Variants in SLAMF1 observed in about 807,000 individuals in gnomAD.
The protein encoded by SLAMF1 is signaling lymphocytic activation molecule.
In SLAMF1, 18 loss-of-function variants were observed where a neutral mutation model predicts 35.1. The ratio of observed to expected loss-of-function variants is 0.51; its 90% CI spans 0.35 to 0.76. The LOEUF (loss-of-function observed/expected upper bound fraction) is 0.76, where lower values mean the gene tolerates loss of function less well. SLAMF1 is among the 30% of genes least tolerant of loss of function. The probability of loss-of-function intolerance (pLI) is 0.01; values close to 1 mark genes in which losing one functional copy is unlikely to be tolerated. For synonymous variants in SLAMF1, 168 were observed against 157.2 expected, an observed-to-expected ratio of 1.07 and a Z score of -0.51; for missense variants, 392 against 413.0, an observed-to-expected ratio of 0.95 and a Z score of 0.44.
In SLAMF1 at chr1:160,640,240, G is replaced by A. The variant is rs538308177; in HGVS notation, c.77-2711C>T. Among the ~76,000 whole-genome samples the A allele has an allele frequency of 1.1e-3, 166 of 148,702 alleles. 2 individuals are homozygous for A. The highest frequency in any genetic ancestry group is 7.2e-3 in the Middle Eastern group (2 of 276). ...GTGCTATGTGCTTAGTATATAGGAG[G>A]CATTTAATAAATATCTGTTCAATGA... is the stretch of plus-strand genomic sequence containing the variant. On this transcript the variant is annotated intron_variant, in intron 1 of 6. Transcript: ENST00000302035.
chr1:160,643,738 G>T (rs772280520), intron 1 of SLAMF1, among the ~76,000 whole-genome samples: 14 of 152,202 alleles, frequency 9.2e-5, no homozygotes, highest in South Asian at 2.1e-4. Flanking sequence ...ATCACCTTGA[G>T]TATTTCTCTT....
chr1:160,645,136 C>A (rs909209375), intron 1 of SLAMF1, among the ~76,000 whole-genome samples: 8 of 152,286 alleles, frequency 5.3e-5, no homozygotes, highest in Non-Finnish European at 7.4e-5. Context: ...GGGGAAGGGA[C>A]ATGTGGACTT....
Position 160,634,612 on chromosome 1 carries a change from C to A in SLAMF1, c.700+1G>T. The A allele has an allele frequency of 6.3e-7, 1 of 1,597,418 alleles. No individual in the cohort carries two copies. The highest frequency in any genetic ancestry group is 8.5e-7 in the Non-Finnish European group (1 of 1,170,458). On this transcript the variant is annotated splice_donor_variant, in intron 3 of 6. Transcript: ENST00000302035. LOFTEE classifies it high-confidence loss of function. ...ACACAGGCTGCCACCAGTGTACTCA[C>A]CTGAGGGGTCTGTCCTGCATCCGGG...
intron 1 of SLAMF1, among the ~76,000 whole-genome samples, chr1:160,638,481 T>A (rs895482281): frequency 2.0e-5 from 3 of 152,208 alleles, no homozygotes; most frequent in Non-Finnish European, 4.4e-5. Flanking sequence ...GGTTTTTTTT[T>A]ACTAGGTTAT....
intron 1 of SLAMF1, among the ~76,000 whole-genome samples, chr1:160,640,013 T>C (rs1660655825): frequency 6.6e-6 from 1 of 152,212 alleles, no homozygotes; most frequent in Non-Finnish European, 1.5e-5. Flanking sequence ...TTTAGGTATC[T>C]GCTCAAAACA....
chr1:160,640,821 A>G (rs1480077128), intron 1 of SLAMF1, among the ~76,000 whole-genome samples: 1 of 152,198 alleles, frequency 6.6e-6, no homozygotes, highest in Non-Finnish European at 1.5e-5. Flanking sequence ...TTGTCTTTTA[A>G]AATATTGCGA....
intron 4 of SLAMF1, among the ~76,000 whole-genome samples, chr1:160,622,117 G>A (rs897779012): frequency 6.6e-6 from 1 of 152,170 alleles, no homozygotes; most frequent in African/African-American, 2.4e-5. Flanking sequence ...TCAGACAGAT[G>A]GAAGAGGTGA....
rs564990980 is a variant in SLAMF1, at chr1:160,631,460, T to C, written c.700+3153A>G. Among the ~76,000 whole-genome samples, 30 of 152,318 alleles carry C rather than the reference T, an allele frequency of 2.0e-4. 3 individuals are homozygous for C. The South Asian group carries it at 6.2e-3, about 32-fold the overall frequency. On this transcript the variant is annotated intron_variant, in intron 3 of 6. Coordinates refer to ENST00000302035, the MANE Select transcript of SLAMF1 (RefSeq NM_003037.5). The stretch of plus-strand genomic sequence containing the variant: ...TAAAACTGAGGTCATTAGGGAGATG[T>C]TTTGGGCTGAATTTTGTCTCCCCTC...
At chr1:160,613,882 G>C (rs1659143196) in intron 5 of SLAMF1, among the ~76,000 whole-genome samples, 1 of 152,264 alleles carries the variant, frequency 6.6e-6, no homozygotes, top group African/African-American at 2.4e-5. Flanking sequence ...TCAAATGTGG[G>C]ATGAATTGCC....
intron 4 of SLAMF1, among the ~76,000 whole-genome samples, chr1:160,621,343 G>A (rs368180324): frequency 2.0e-5 from 3 of 152,014 alleles, no homozygotes; most frequent in Non-Finnish European, 4.4e-5. Flanking sequence ...GGCAGATCAC[G>A]AGGTCAGGAG....
intron 1 of SLAMF1, among the ~76,000 whole-genome samples, chr1:160,645,873 C>T (rs962341513): frequency 3.3e-5 from 5 of 152,084 alleles, no homozygotes; most frequent in Admixed American, 6.5e-5. Flanking sequence ...CTGGAAAAGT[C>T]CATATTGGAT....
intron 1 of SLAMF1, among the ~76,000 whole-genome samples, chr1:160,646,487 C>G (rs534711491): frequency 7.2e-4 from 109 of 152,318 alleles, no homozygotes; most frequent in Non-Finnish European, 1.3e-3. Flanking sequence ...CAAATCTTCT[C>G]CCAGAGCTCA....
At chr1:160,632,253 A>C (rs1472767773) in intron 3 of SLAMF1, among the ~76,000 whole-genome samples, 1 of 151,932 alleles carries the variant, frequency 6.6e-6, no homozygotes, top group Non-Finnish European at 1.5e-5. Flanking sequence ...AGGACTGTCT[A>C]CTCTGGGAGG....
chr1:160,633,820 G>C (rs552739439), intron 3 of SLAMF1, among the ~76,000 whole-genome samples: 1 of 152,144 alleles, frequency 6.6e-6, no homozygotes. Context: ...TAGGTTTAGG[G>C]GTTAACTCCA....
At chr1:160,640,382 A>G (rs1157973608) in intron 1 of SLAMF1, among the ~76,000 whole-genome samples, 1 of 147,462 alleles carries the variant, frequency 6.8e-6, no homozygotes, top group East Asian at 2.0e-4. Flanking sequence ...ACACATATAT[A>G]TATATACACA....
In SLAMF1 at chr1:160,612,489, T is replaced by C; in HGVS notation, c.956A>G (p.Gln319Arg). 1 of 1,602,912 alleles carries C rather than the reference T, an allele frequency of 6.2e-7. No homozygotes were observed. Among genetic ancestry groups the C allele is most frequent in the Non-Finnish European group, 8.5e-7 (1 of 1,170,598 alleles). Reference sequence around the variant, plus strand: ...AGAGTAGGCAGAGAGATGCCTCACCTGGACAGACTCTGGGACAGGCTCTGT... The same window carrying C: ...AGAGTAGGCAGAGAGATGCCTCACCCGGACAGACTCTGGGACAGGCTCTGT... ...AATEPVPESV[Q>R]ETNSITVYAS... is the part of the protein sequence containing the mutation. The change falls in exon 6 of 7, where the codon CAG becomes CGG. Residue 319 changes from glutamine to arginine, a missense_variant and splice_region_variant. By Grantham distance (43) the Gln-to-Arg change is conservative (BLOSUM62 1). Coordinates refer to ENST00000302035, the MANE Select transcript of SLAMF1 (RefSeq NM_003037.5).
At chr1:160,624,586 T>A (rs1373077055) in intron 3 of SLAMF1, among the ~76,000 whole-genome samples, 1 of 152,244 alleles carries the variant, frequency 6.6e-6, no homozygotes, top group Non-Finnish European at 1.5e-5. Flanking sequence ...GTGCCGTCCC[T>A]GTGAATTCAC....
intron 1 of SLAMF1, among the ~76,000 whole-genome samples, chr1:160,639,758 C>T (rs996440924): frequency 1.2e-4 from 19 of 152,086 alleles, no homozygotes; most frequent in African/African-American, 2.7e-4. Flanking sequence ...TTTCTAGCAC[C>T]GATAGAATAA....
chr1:160,627,000 G>A (rs1659917548), intron 3 of SLAMF1, among the ~76,000 whole-genome samples: 1 of 152,108 alleles, frequency 6.6e-6, no homozygotes, highest in Non-Finnish European at 1.5e-5. Context: ...AGCACCTGTG[G>A]TTTATGTCAT....
Sources: gnomAD v4.1 joint callset for allele counts (sites outside exome capture counted in the v4.1 genomes callset) on GRCh38, gnomAD v4.1.1 for gene constraint, MANE v1.5 for transcripts, NCBI Gene and HGNC (gene_info 2026-07-23, HGNC 2026-07-21) for gene names.